Variants in NOL4 observed in about 807,000 individuals in gnomAD.
The protein encoded by NOL4 is cancer/testis antigen 125.
NOL4 carries 17 observed loss-of-function variants against 75.9 expected under a neutral mutation model. The observed-to-expected ratio is 0.22, with a 90% CI of 0.15 to 0.34. The LOEUF (loss-of-function observed/expected upper bound fraction) is 0.34, where lower values mean the gene tolerates loss of function less well. NOL4 is among the 10% of genes least tolerant of loss of function. The probability of loss-of-function intolerance (pLI) is 1.00; values close to 1 mark genes in which losing one functional copy is unlikely to be tolerated. For synonymous variants in NOL4, 292 were observed against 289.9 expected, an observed-to-expected ratio of 1.01 and a Z score of -0.07; for missense variants, 614 against 793.5, an observed-to-expected ratio of 0.77 and a Z score of 2.72.
At chr18:34,063,291 C>T (rs1213331164) in intron 5 of NOL4, among the ~76,000 whole-genome samples, 2 of 152,076 alleles carry the variant, frequency 1.3e-5, no homozygotes, top group African/African-American at 4.8e-5. Context: ...AAGGTCTCAA[C>T]ACAAGTACTC....
chr18:34,167,324 T>C (rs918434829), intron 1 of NOL4, among the ~76,000 whole-genome samples: 4 of 152,066 alleles, frequency 2.6e-5, no homozygotes, highest in Non-Finnish European at 5.9e-5. Flanking sequence ...CATCTTTGAT[T>C]TCTTACACCT....
intron 6 of NOL4, among the ~76,000 whole-genome samples, chr18:33,983,689 A>G (rs951792050): frequency 6.6e-6 from 1 of 151,862 alleles, no homozygotes; most frequent in Non-Finnish European, 1.5e-5. Context: ...ATATATATTT[A>G]CATATATATT....
At chr18:34,122,995 T>C (rs1490963557) in intron 2 of NOL4, among the ~76,000 whole-genome samples, 1 of 152,074 alleles carries the variant, frequency 6.6e-6, no homozygotes, top group Admixed American at 6.6e-5. Context: ...TAATGAAGTT[T>C]CTCCAAAAGG....
intron 9 of NOL4, among the ~76,000 whole-genome samples, chr18:33,924,896 T>C (rs1036479214): frequency 6.6e-6 from 1 of 152,098 alleles, no homozygotes; most frequent in African/African-American, 2.4e-5. Context: ...GGAGTGAAAT[T>C]GAACTGAGAA....
intron 4 of NOL4, among the ~76,000 whole-genome samples, chr18:34,100,352 TC>T (rs2145628774): frequency 6.6e-6 from 1 of 152,224 alleles, no homozygotes; most frequent in East Asian, 1.9e-4. Context: ...CCATGCTCCC[TC>T]CATCTCCTAC....
chr18:33,963,964 G>A (rs752234972), intron 6 of NOL4, among the ~76,000 whole-genome samples: 3 of 152,104 alleles, frequency 2.0e-5, no homozygotes, highest in South Asian at 4.1e-4. Flanking sequence ...GAAAAAAGGC[G>A]AACCTGTGTT....
intron 1 of NOL4, among the ~76,000 whole-genome samples, chr18:34,187,785 A>C (rs1395424024): frequency 6.6e-6 from 1 of 152,184 alleles, no homozygotes; most frequent in African/African-American, 2.4e-5. Context: ...AGGTTTTAAA[A>C]ATTTATTTAA....
chr18:34,109,767 T>C (rs1051760938), intron 2 of NOL4, among the ~76,000 whole-genome samples: 5 of 151,890 alleles, frequency 3.3e-5, no homozygotes, highest in African/African-American at 9.6e-5. Context: ...GACAAAACTT[T>C]ACCTAGACCA....
At chr18:34,190,030 ATAT>A (rs551029299) in intron 1 of NOL4, among the ~76,000 whole-genome samples, 437 of 149,320 alleles carry the variant, frequency 2.9e-3, no homozygotes, top group Non-Finnish European at 4.5e-3. Context: ...TATATATAAC[ATAT>A]TATTTTATAT....
intron 5 of NOL4, among the ~76,000 whole-genome samples, chr18:34,032,529 AC>A (rs2075690039): frequency 6.6e-6 from 1 of 152,142 alleles, no homozygotes; most frequent in South Asian, 2.1e-4. Flanking sequence ...CCCAGCTACC[AC>A]CACAGCTGGC....
At chr18:33,987,111 GT>G (rs1468484781) in intron 6 of NOL4, among the ~76,000 whole-genome samples, 1 of 151,920 alleles carries the variant, frequency 6.6e-6, no homozygotes, top group Non-Finnish European at 1.5e-5. Context: ...TAATTTGTTG[GT>G]AGTTATACAA....
chr18:33,905,944 T>C (rs1467826076), intron 9 of NOL4, among the ~76,000 whole-genome samples: 1 of 152,196 alleles, frequency 6.6e-6, no homozygotes, highest in Non-Finnish European at 1.5e-5. Flanking sequence ...GATTTTGGAA[T>C]GAACCTTTGA....
At chr18:33,885,311 A>C (rs1305987456) in intron 9 of NOL4, among the ~76,000 whole-genome samples, 1 of 152,126 alleles carries the variant, frequency 6.6e-6, no homozygotes, top group African/African-American at 2.4e-5. Flanking sequence ...ACGAAGGCAA[A>C]AATGGACAAA....
chr18:34,130,849 T>C (rs1219605138), intron 1 of NOL4, among the ~76,000 whole-genome samples: 1 of 152,062 alleles, frequency 6.6e-6, no homozygotes, highest in East Asian at 1.9e-4. Flanking sequence ...TCTGTTGAAG[T>C]AGATTCCAGG....
intron 5 of NOL4, among the ~76,000 whole-genome samples, chr18:34,038,274 C>T (rs1427450405): frequency 6.6e-6 from 1 of 151,990 alleles, no homozygotes; most frequent in African/African-American, 2.4e-5. Flanking sequence ...AAAGCAAACA[C>T]TTACATATTG....
intron 1 of NOL4, among the ~76,000 whole-genome samples, chr18:34,215,180 A>G (rs2036797222): frequency 6.6e-6 from 1 of 152,216 alleles, no homozygotes; most frequent in Non-Finnish European, 1.5e-5. Context: ...TATCACAATT[A>G]AAACACATAG....
intron 6 of NOL4, among the ~76,000 whole-genome samples, chr18:34,017,676 T>C (rs2074782124): frequency 6.6e-6 from 1 of 152,184 alleles, no homozygotes; most frequent in African/African-American, 2.4e-5. Flanking sequence ...TTAACTATTT[T>C]CTATCTTCAT....
chr18:33,916,083 G>A (rs2145202508), intron 9 of NOL4, among the ~76,000 whole-genome samples: 1 of 152,236 alleles, frequency 6.6e-6, no homozygotes, highest in African/African-American at 2.4e-5. Context: ...GAAGGTTAAG[G>A]ATGCAGTAGA....
intron 9 of NOL4, among the ~76,000 whole-genome samples, chr18:33,940,177 T>C (rs550726775): frequency 6.6e-6 from 1 of 152,162 alleles, no homozygotes; most frequent in South Asian, 2.1e-4. Context: ...AGAAATACCA[T>C]TTGACCCAGC....
Sources: gnomAD v4.1 joint callset for allele counts (sites outside exome capture counted in the v4.1 genomes callset) on GRCh38, gnomAD v4.1.1 for gene constraint, MANE v1.5 for transcripts, NCBI Gene and HGNC (gene_info 2026-07-23, HGNC 2026-07-21) for gene names.